The following UPF2 variants were observed in gnomAD, a reference collection of about 807,000 sequenced individuals.
UPF2 encodes the protein regulator of nonsense transcripts 2.
A neutral mutation model predicts 141.4 loss-of-function variants in UPF2; 17 were observed. The observed-to-expected ratio is 0.12, with a 90% CI of 0.08 to 0.18. UPF2 has a LOEUF of 0.18. Ranked by LOEUF, UPF2 falls within the 10% of genes least tolerant of loss-of-function variation. UPF2 has a pLI of 1.00. For missense variants in UPF2, 1,152 were observed against 1,515.9 expected (o/e 0.76, Z 3.99); for synonymous variants, 540 against 498.0 (o/e 1.08, Z -1.12).
chr10:12,007,721 C>T (rs1029897331), intron 4 of UPF2, among the ~76,000 whole-genome samples: 2 of 151,670 alleles, frequency 1.3e-5, no homozygotes, highest in African/African-American at 4.8e-5. Flanking sequence ...GTCCCAGCTA[C>T]TCAGGAGACT....
At chr10:12,017,467 C>A (rs1156688768) in intron 3 of UPF2, among the ~76,000 whole-genome samples, 1 of 152,156 alleles carries the variant, frequency 6.6e-6, no homozygotes, top group Non-Finnish European at 1.5e-5. Context: ...TGTGACTTTG[C>A]GCTGAGTCCA....
chr10:11,983,292 T>C (rs540580323), intron 8 of UPF2, among the ~76,000 whole-genome samples: 1 of 152,320 alleles, frequency 6.6e-6, no homozygotes, highest in Admixed American at 6.5e-5. Flanking sequence ...CTCCTACTGA[T>C]GTTATATATA....
At chr10:12,006,042 G>C (rs1402249454) in intron 4 of UPF2, among the ~76,000 whole-genome samples, 1 of 150,064 alleles carries the variant, frequency 6.7e-6, no homozygotes, top group Non-Finnish European at 1.5e-5. Context: ...ATCAAGCCCA[G>C]CTAATTTTTC....
intron 13 of UPF2, among the ~76,000 whole-genome samples, chr10:11,955,864 C>T (rs992750672): frequency 5.3e-5 from 8 of 151,996 alleles, no homozygotes; most frequent in Non-Finnish European, 7.4e-5. Context: ...ACTGTTAGGC[C>T]GGGCGCAGTA....
intron 1 of UPF2, among the ~76,000 whole-genome samples, chr10:12,036,792 A>G (rs1701487): frequency 0.83 from 126,948 of 152,166 alleles, 53,231 homozygotes; most frequent in Non-Finnish European, 0.89. Flanking sequence ...TTGGAAGGCC[A>G]AGGCAGGCAG....
At position 12,001,793 on chromosome 10, in the gene UPF2, A is replaced by T; in HGVS notation, c.1537T>A (p.Ser513Thr). 1 of 1,611,148 alleles carries T rather than the reference A, an allele frequency of 6.2e-7. No individual in the cohort carries two copies. The highest frequency in any genetic ancestry group is 8.5e-7 in the Non-Finnish European group (1 of 1,178,840). Residue 513 changes from serine to threonine, a missense_variant, in exon 6 of 22, where the codon TCA (serine) becomes ACA (threonine). By Grantham distance (58) the Ser-to-Thr change is moderately conservative (BLOSUM62 1). Around this residue, in one of 4 missense-constraint regions of UPF2, gnomAD observed 739 missense variants for 1,032.2 expected, o/e 0.72. Coordinates refer to ENST00000357604, the MANE Select transcript of UPF2 (RefSeq NM_015542.4). Reference sequence around the variant, plus strand: ...TCAAGTTCCAAATCATCGGGACTTGATACCTCCTTATTCTCCTTAGATTCT... The same window carrying T: ...TCAAGTTCCAAATCATCGGGACTTGTTACCTCCTTATTCTCCTTAGATTCT... ...AKESKENKEV[S>T]SPDDLELELE... is the part of the protein sequence containing the mutation.
intron 11 of UPF2, among the ~76,000 whole-genome samples, chr10:11,963,376 C>T (rs111903013): frequency 2.3e-3 from 344 of 152,018 alleles, no homozygotes; most frequent in African/African-American, 7.6e-3. Flanking sequence ...CTCATTCTGC[C>T]GCCCAGGCTG....
At chr10:11,999,089 G>GT (rs1833911015) in intron 7 of UPF2, among the ~76,000 whole-genome samples, 1 of 151,578 alleles carries the variant, frequency 6.6e-6, no homozygotes, top group Non-Finnish European at 1.5e-5. Flanking sequence ...CAGTGGCACT[G>GT]TTTTTTTAAT....
At chr10:12,029,950 T>A (rs1272234515) in intron 2 of UPF2, among the ~76,000 whole-genome samples, 1 of 138,528 alleles carries the variant, frequency 7.2e-6, no homozygotes, top group African/African-American at 2.8e-5. Flanking sequence ...AGAGCAAGAC[T>A]CCGTCTCAAA....
chr10:12,024,026 A>G (rs1402764313), intron 3 of UPF2, among the ~76,000 whole-genome samples: 1 of 152,134 alleles, frequency 6.6e-6, no homozygotes, highest in Non-Finnish European at 1.5e-5. Flanking sequence ...TATTGAATAA[A>G]ATGCTTAAAG....
At chr10:11,995,441 A>C (rs1833850314) in intron 8 of UPF2, among the ~76,000 whole-genome samples, 1 of 152,198 alleles carries the variant, frequency 6.6e-6, no homozygotes, top group South Asian at 2.1e-4. Context: ...AGCAGTAAAC[A>C]TGGCCTCCTT....
At chr10:12,007,693 T>A (rs749059730) in intron 4 of UPF2, among the ~76,000 whole-genome samples, 1 of 151,620 alleles carries the variant, frequency 6.6e-6, no homozygotes, top group African/African-American at 2.4e-5. Flanking sequence ...TAGCCGGCCG[T>A]GGTGGCAGGC....
chr10:12,039,782 G>A (rs1162302213), intron 1 of UPF2, among the ~76,000 whole-genome samples: 2 of 151,916 alleles, frequency 1.3e-5, no homozygotes, highest in Admixed American at 6.6e-5. Context: ...CACCATGCCC[G>A]GCTAATTTTG....
At chr10:11,964,509 C>A (rs1215321808) in intron 10 of UPF2, among the ~76,000 whole-genome samples, 4 of 152,132 alleles carry the variant, frequency 2.6e-5, no homozygotes, top group Admixed American at 6.5e-5. Context: ...ATTATAGACA[C>A]AACCTATCAC....
chr10:12,032,885 T>C lies in UPF2; in HGVS notation c.365+2174A>G, dbSNP rs555481548. ...GGTGGCACGAGCCTGTAATGACAGC[T>C]ACTCAGGAGGCAGGAGGAATCACTT... On this transcript the variant is annotated intron_variant, in intron 2 of 21. Transcript: ENST00000357604. Among the ~76,000 whole-genome samples the C allele has an allele frequency of 2.6e-5, 4 of 151,436 alleles. No homozygotes were observed. The East Asian group carries it at 7.8e-4, about 30-fold the overall frequency.
chr10:12,003,462 A>T (rs920820235), intron 5 of UPF2, among the ~76,000 whole-genome samples: 2 of 152,178 alleles, frequency 1.3e-5, no homozygotes, highest in Non-Finnish European at 2.9e-5. Context: ...AGATGGGCCC[A>T]TTTCAGAGAC....
intron 3 of UPF2, among the ~76,000 whole-genome samples, chr10:12,023,402 TG>T (rs1294337443): frequency 6.6e-6 from 1 of 151,256 alleles, no homozygotes; most frequent in African/African-American, 2.4e-5. Context: ...CGGCTGGGCA[TG>T]GTGGATCACA....
chr10:12,005,391 G>A (rs984736139), intron 4 of UPF2, among the ~76,000 whole-genome samples: 1 of 152,158 alleles, frequency 6.6e-6, no homozygotes, highest in Non-Finnish European at 1.5e-5. Context: ...GTAGAAGTTT[G>A]AGATTGTTTA....
rs76524694 is a variant in UPF2, at chr10:11,956,961, C to T, written c.2371-438G>A. ...TCAGTCCCCCAAATAGACTGGACTA[C>T]AGGCATGCAATAGCATGCCTGGCTA... On this transcript the variant is annotated intron_variant, in intron 12 of 21. Transcript: ENST00000357604. This position sits in a 1 kb window ranked among gnomAD's most constrained non-coding sequence, Gnocchi z 4.2. Among the ~76,000 whole-genome samples the T allele has an allele frequency of 0.045, 6,847 of 152,238 alleles. 184 individuals carry two copies. Among genetic ancestry groups the T allele is most frequent in the Middle Eastern group, 0.095 (28 of 294 alleles).
Sources: gnomAD v4.1 joint callset for allele counts (sites outside exome capture counted in the v4.1 genomes callset) on GRCh38, gnomAD v4.1.1 for gene constraint, gnomAD v4.1.1 regional missense constraint, Gnocchi (gnomAD v3.1) non-coding constraint, MANE v1.5 for transcripts, NCBI Gene and HGNC (gene_info 2026-07-23, HGNC 2026-07-21) for gene names.